Variants in RBM46 observed in about 807,000 individuals in gnomAD.
The protein encoded by RBM46 is probable RNA-binding protein 46.
Under a neutral mutation model 43.3 loss-of-function variants are expected in RBM46, and 12 were observed. That is an observed-to-expected ratio of 0.28 (90% confidence interval 0.18 to 0.45). The LOEUF is 0.45. Ranked by LOEUF, RBM46 falls within the 20% of genes least tolerant of loss-of-function variation. RBM46 has a pLI of 1.00. For missense variants in RBM46, 412 were observed against 639.1 expected (o/e 0.64, Z 3.83); for synonymous variants, 205 against 207.6 (o/e 0.99, Z 0.11).
chr4:154,812,915 A>G (rs998838288), intron 4 of RBM46, among the ~76,000 whole-genome samples: 2 of 152,178 alleles, frequency 1.3e-5, no homozygotes, highest in Non-Finnish European at 2.9e-5. Flanking sequence ...GTTATTGGAC[A>G]TAGTAACCCA....
intron 1 of RBM46, among the ~76,000 whole-genome samples, chr4:154,785,426 T>A (rs997341861): frequency 2.6e-5 from 4 of 152,048 alleles, no homozygotes; most frequent in Non-Finnish European, 5.9e-5. Flanking sequence ...AAAAAAAGTC[T>A]TGTTTATTAA....
chr4:154,785,370 G>A (rs1174630791), intron 1 of RBM46, among the ~76,000 whole-genome samples: 2 of 151,332 alleles, frequency 1.3e-5, no homozygotes, highest in South Asian at 2.1e-4. Flanking sequence ...GGGTTGGATT[G>A]CAGAAATCAG....
chr4:154,811,700 T>TGAGA lies in RBM46; in HGVS notation c.1402+12138_1402+12139insGAGA, dbSNP rs1553983689. Among the ~76,000 whole-genome samples, 6 of 150,168 alleles carry TGAGA rather than the reference T, an allele frequency of 4.0e-5. No individual in the cohort carries two copies. In the South Asian group the frequency reaches 8.4e-4, roughly 21 times the overall value. On this transcript the variant is annotated intron_variant, in intron 4 of 4. Transcript: ENST00000281722. Reference sequence around the variant, plus strand: ...GTGTGTGTGTGTGTGTGTGTGTGTGTGACAGAGTTTCGCTGTGTCACCCAG... The same window carrying TGAGA: ...GTGTGTGTGTGTGTGTGTGTGTGTGTGAGAGACAGAGTTTCGCTGTGTCACCCAG...
At chr4:154,806,534 G>C (rs1734914425) in intron 4 of RBM46, among the ~76,000 whole-genome samples, 1 of 151,628 alleles carries the variant, frequency 6.6e-6, no homozygotes, top group African/African-American at 2.4e-5. Context: ...ATACATATTT[G>C]AGTACAAGTA....
intron 4 of RBM46, among the ~76,000 whole-genome samples, chr4:154,821,352 G>C (rs1735714428): frequency 1.3e-5 from 2 of 151,626 alleles, no homozygotes; most frequent in Non-Finnish European, 3.0e-5. Flanking sequence ...TATTTTCTAA[G>C]GCTTTTCTTT....
At chr4:154,789,390 T>G (rs896956288) in intron 1 of RBM46, among the ~76,000 whole-genome samples, 2 of 152,188 alleles carry the variant, frequency 1.3e-5, no homozygotes, top group Non-Finnish European at 2.9e-5. Context: ...TGGAGGGCTG[T>G]TGAATTTTGT....
intron 4 of RBM46, among the ~76,000 whole-genome samples, chr4:154,811,142 T>G (rs1735152568): frequency 6.6e-6 from 1 of 152,204 alleles, no homozygotes; most frequent in Non-Finnish European, 1.5e-5. Flanking sequence ...CGGGGTGTTA[T>G]GAGAACATAC....
chr4:154,824,392 T>C (rs767267674), intron 4 of RBM46, among the ~76,000 whole-genome samples: 2 of 152,086 alleles, frequency 1.3e-5, no homozygotes, highest in Non-Finnish European at 2.9e-5. Context: ...CACCAAAAGA[T>C]TTGTATAAAA....
At chr4:154,820,250 T>C (rs1330584147) in intron 4 of RBM46, 15 of 541,860 alleles carry the variant, frequency 2.8e-5, no homozygotes, top group Non-Finnish European at 3.9e-5. Context: ...TTTGTTTTTT[T>C]ATTTACTGAT....
At chr4:154,799,755 CTT>C (rs35629123) in intron 4 of RBM46, among the ~76,000 whole-genome samples, 191 bp downstream of exon 4, 49,946 of 113,676 alleles carry the variant, frequency 0.44, 9,556 homozygotes, top group East Asian at 0.65. Flanking sequence ...TTTAGCTTTT[CTT>C]TTTTTTTTTT....
intron 4 of RBM46, among the ~76,000 whole-genome samples, chr4:154,801,531 G>A (rs1006353017): frequency 6.6e-6 from 1 of 152,180 alleles, no homozygotes; most frequent in East Asian, 1.9e-4. Context: ...GAGAAAAATG[G>A]GTCTAAATAT....
At chr4:154,790,696 T>G in intron 1 of RBM46, among the ~76,000 whole-genome samples, 1 of 152,248 alleles carries the variant, frequency 6.6e-6, no homozygotes. Context: ...AGGGAAGTTT[T>G]AAGATGTTTT....
intron 4 of RBM46, among the ~76,000 whole-genome samples, chr4:154,813,364 C>G (rs1735276607): frequency 6.6e-6 from 1 of 151,524 alleles, no homozygotes; most frequent in Non-Finnish European, 1.5e-5. Context: ...AGTAGAAACC[C>G]CTGAAATATA....
At chr4:154,826,881 T>A in intron 4 of RBM46, 4 of 1,483,536 alleles carry the variant, frequency 2.7e-6, no homozygotes, top group Non-Finnish European at 3.5e-6. Flanking sequence ...TAGGCATCAT[T>A]TATAGTACCA....
chr4:154,821,864 C>G (rs1390579949), intron 4 of RBM46, among the ~76,000 whole-genome samples: 1 of 151,770 alleles, frequency 6.6e-6, no homozygotes, highest in Non-Finnish European at 1.5e-5. Flanking sequence ...ATACTAAATA[C>G]TTCCTTGGGA....
intron 4 of RBM46, among the ~76,000 whole-genome samples, chr4:154,803,728 AAAG>A (rs1325180820): frequency 8.7e-5 from 13 of 150,150 alleles, no homozygotes; most frequent in South Asian, 8.4e-4. Context: ...AAAAAAAAAA[AAAG>A]GAAATTATGT....
At chr4:154,817,331 C>CTTTTTTTT (rs58860836) in intron 4 of RBM46, among the ~76,000 whole-genome samples, 1 of 126,420 alleles carries the variant, frequency 7.9e-6, no homozygotes, top group Non-Finnish European at 1.6e-5. Context: ...TTTTCTCTTT[C>CTTTTTTTT]TTTTTTTTTT....
intron 4 of RBM46, among the ~76,000 whole-genome samples, chr4:154,805,886 T>G (rs1360159663): frequency 6.6e-6 from 1 of 151,864 alleles, no homozygotes; most frequent in African/African-American, 2.4e-5. Context: ...CTTTTCAGAA[T>G]TTTTTTCCAG....
intron 4 of RBM46, among the ~76,000 whole-genome samples, chr4:154,811,873 G>T (rs1035140184): frequency 6.6e-6 from 1 of 152,012 alleles, no homozygotes; most frequent in Non-Finnish European, 1.5e-5. Context: ...TAGAGACGGG[G>T]TTTCCCTGTG....
Sources: gnomAD v4.1 joint callset for allele counts (sites outside exome capture counted in the v4.1 genomes callset) on GRCh38, gnomAD v4.1.1 for gene constraint, MANE v1.5 for transcripts, NCBI Gene and HGNC (gene_info 2026-07-23, HGNC 2026-07-21) for gene names.